Variants in LAMA2 observed in about 807,000 individuals in gnomAD.
The protein encoded by LAMA2 is laminin subunit alpha 2, also known as laminin subunit alpha-2.
Under a neutral mutation model 364.8 loss-of-function variants are expected in LAMA2, and 269 were observed. The ratio of observed to expected loss-of-function variants is 0.74; its 90% CI spans 0.67 to 0.82. The LOEUF (loss-of-function observed/expected upper bound fraction) is 0.82. LAMA2 is among the 40% of genes least tolerant of loss of function. The pLI, the probability that LAMA2 is intolerant of heterozygous loss-of-function variation, is 0.00. For synonymous variants in LAMA2, 1,379 were observed against 1,370.6 expected (o/e 1.01, Z -0.14); for missense variants, 3,807 against 3,873.2 (o/e 0.98, Z 0.45).
chr6:129,154,886 T>G (rs1005575174), intron 8 of LAMA2, among the ~76,000 whole-genome samples: 1 of 152,202 alleles, frequency 6.6e-6, no homozygotes, highest in Admixed American at 6.5e-5. Flanking sequence ...CCAGAAAGTT[T>G]TATCATGGCT....
chr6:129,245,114 T>C (rs1304285353), intron 12 of LAMA2, among the ~76,000 whole-genome samples: 2 of 152,110 alleles, frequency 1.3e-5, no homozygotes, highest in Non-Finnish European at 2.9e-5. Flanking sequence ...CAATTTGATA[T>C]CTGAATCTCC....
At chr6:129,039,942 C>T (rs1016167133) in intron 1 of LAMA2, among the ~76,000 whole-genome samples, 1 of 152,184 alleles carries the variant, frequency 6.6e-6, no homozygotes, top group Non-Finnish European at 1.5e-5. Context: ...GTTGGGGACC[C>T]CGGGTTAGGA....
chr6:129,464,482 G>A (rs191056776), intron 50 of LAMA2, 30 bp downstream of exon 50: 32 of 1,574,956 alleles, frequency 2.0e-5, no homozygotes, highest in African/African-American at 6.8e-5. Flanking sequence ...CAGAGTTTCC[G>A]TGACTAAAAT....
chr6:129,019,530 A>G (rs1297659923), intron 1 of LAMA2, among the ~76,000 whole-genome samples: 1 of 151,718 alleles, frequency 6.6e-6, no homozygotes, highest in Non-Finnish European at 1.5e-5. Context: ...ATTTTAAAAG[A>G]TTTGTATTTT....
At position 129,346,713 on chromosome 6, in the gene LAMA2, G is replaced by A. The variant is rs143313635; in HGVS notation, c.4437-2585G>A. On this transcript the variant is annotated intron_variant, in intron 30 of 64. Transcript: ENST00000421865. Reference sequence around the variant, plus strand: ...AATATATAAGTGAACAAAACGGCCTGTGTTTCCTAGCCTTCTGGAGCTTGT... The same window carrying A: ...AATATATAAGTGAACAAAACGGCCTATGTTTCCTAGCCTTCTGGAGCTTGT... Among the ~76,000 whole-genome samples, 427 of 152,274 alleles carry A rather than the reference G, an allele frequency of 2.8e-3. 2 individuals are homozygous for A. The highest frequency in any genetic ancestry group is 5.0e-3 in the Non-Finnish European group (338 of 68,022).
chr6:129,338,846 C>T (rs190104645), intron 29 of LAMA2, among the ~76,000 whole-genome samples: 1 of 151,988 alleles, frequency 6.6e-6, no homozygotes, highest in African/African-American at 2.4e-5. Flanking sequence ...AAAGTCCCAG[C>T]AGTGATAAAG....
At position 129,481,380 on chromosome 6, in the gene LAMA2, C is replaced by A. The variant is rs1259173297; in HGVS notation, c.7690C>A (p.Leu2564Ile). Residue 2564 changes from leucine (L) to isoleucine (I), a missense_variant, in exon 55 of 65, where the codon CTT (leucine) becomes ATT (isoleucine). Around this residue, in one of 3 missense-constraint regions of LAMA2, gnomAD observed 3,333 missense variants for 3,345.7 expected, o/e 1.00. Coordinates refer to ENST00000421865, the MANE Select transcript of LAMA2 (RefSeq NM_000426.4). ...FSTKNESGII[L>I]LGSGGTPAPP... ...CACCAAGAATGAGTCCGGCATCATT[C>A]TTTTGGGAAGTGGAGGGACACCAGC... 1 of 1,613,866 alleles carries A rather than the reference C, an allele frequency of 6.2e-7. No homozygotes were observed. Among genetic ancestry groups the A allele is most frequent in the Non-Finnish European group, 8.5e-7 (1 of 1,179,912 alleles).
intron 14 of LAMA2, among the ~76,000 whole-genome samples, chr6:129,259,106 G>A (rs1786923711): frequency 6.6e-6 from 1 of 152,080 alleles, no homozygotes; most frequent in Non-Finnish European, 1.5e-5. Flanking sequence ...TCATATATGA[G>A]CTCATACATA....
intron 47 of LAMA2, among the ~76,000 whole-genome samples, chr6:129,455,034 A>C (rs1782881515): frequency 6.6e-6 from 1 of 152,132 alleles, no homozygotes; most frequent in South Asian, 2.1e-4. Flanking sequence ...ATAGAGTTTC[A>C]TGCTGTTTGT....
intron 8 of LAMA2, chr6:129,157,905 C>G: frequency 6.2e-7 from 1 of 1,614,206 alleles, no homozygotes; most frequent in South Asian, 1.1e-5. Context: ...AGCCAGGTAG[C>G]GTTTGGTGCC....
chr6:129,076,494 TATATAAATA>T (rs1291184647), intron 3 of LAMA2, among the ~76,000 whole-genome samples: 32 of 12,076 alleles, frequency 2.6e-3, no homozygotes, highest in Non-Finnish European at 7.0e-3. Context: ...TTATATATTA[TATATAAATA>T]TATATATATA....
intron 40 of LAMA2, among the ~76,000 whole-genome samples, chr6:129,423,441 G>A (rs1355899240): frequency 6.6e-6 from 1 of 152,036 alleles, no homozygotes; most frequent in Non-Finnish European, 1.5e-5. Flanking sequence ...TGTAACCCTA[G>A]TGCTTTAGGA....
intron 4 of LAMA2, among the ~76,000 whole-genome samples, chr6:129,134,054 C>A (rs904984297): frequency 5.9e-5 from 9 of 152,126 alleles, no homozygotes; most frequent in African/African-American, 2.2e-4. Context: ...TTATTTTAAA[C>A]AAGTGTTCCC....
chr6:128,921,539 G>A (rs1241786865), intron 1 of LAMA2, among the ~76,000 whole-genome samples: 1 of 152,098 alleles, frequency 6.6e-6, no homozygotes, highest in African/African-American at 2.4e-5. Context: ...AGAAAGCTGT[G>A]TAAAGATGGA....
intron 1 of LAMA2, among the ~76,000 whole-genome samples, chr6:128,986,367 C>T (rs903280652): frequency 6.6e-6 from 1 of 152,022 alleles, no homozygotes; most frequent in Non-Finnish European, 1.5e-5. Flanking sequence ...GACCACAGGT[C>T]GGTAGGGCTG....
At chr6:129,484,778 A>G (rs1480811202) in intron 55 of LAMA2, among the ~76,000 whole-genome samples, 2 of 152,182 alleles carry the variant, frequency 1.3e-5, no homozygotes, top group Admixed American at 1.3e-4. Context: ...TAAACATAAA[A>G]TCCACATTTG....
chr6:128,965,584 C>G (rs1456586222), intron 1 of LAMA2, among the ~76,000 whole-genome samples: 1 of 151,954 alleles, frequency 6.6e-6, no homozygotes, highest in Non-Finnish European at 1.5e-5. Context: ...CTTCTTTCTA[C>G]TTAGGCTAAG....
chr6:128,988,204 G>C (rs1036417052), intron 1 of LAMA2, among the ~76,000 whole-genome samples: 1 of 152,140 alleles, frequency 6.6e-6, no homozygotes, highest in African/African-American at 2.4e-5. Context: ...ATTGAAATTT[G>C]TAAAGCATTT....
At chr6:129,319,274 T>A (rs1015553466) in intron 27 of LAMA2, among the ~76,000 whole-genome samples, 1 of 152,198 alleles carries the variant, frequency 6.6e-6, no homozygotes. Context: ...CTGTACGAAA[T>A]AATTGAATGG....
Sources: gnomAD v4.1 joint callset for allele counts (sites outside exome capture counted in the v4.1 genomes callset) on GRCh38, gnomAD v4.1.1 for gene constraint, gnomAD v4.1.1 regional missense constraint, MANE v1.5 for transcripts, NCBI Gene and HGNC (gene_info 2026-07-23, HGNC 2026-07-21) for gene names.